Variants in DIP2C observed in about 807,000 individuals in gnomAD.
The protein encoded by DIP2C is disco-interacting protein 2 homolog C.
A neutral mutation model predicts 192.4 loss-of-function variants in DIP2C; 33 were observed. The ratio of observed to expected loss-of-function variants is 0.17; its 90% CI spans 0.13 to 0.23. The LOEUF (loss-of-function observed/expected upper bound fraction) is 0.23, where lower values mean the gene tolerates loss of function less well. Ranked by LOEUF, DIP2C falls within the 10% of genes least tolerant of loss-of-function variation. The probability of loss-of-function intolerance (pLI) is 1.00; values close to 1 mark genes in which losing one functional copy is unlikely to be tolerated. For missense variants in DIP2C, 1,537 were observed against 2,110.1 expected (o/e 0.73, Z 5.32); for synonymous variants, 979 against 864.1 (o/e 1.13, Z -2.33).
chr10:290,043 A>C (rs914323759), intron 32 of DIP2C, among the ~76,000 whole-genome samples: 1 of 152,226 alleles, frequency 6.6e-6, no homozygotes, highest in Non-Finnish European at 1.5e-5. Context: ...TCTGTGGCGG[A>C]AACAGGGAAG....
At chr10:466,088 C>T (rs948788324) in intron 3 of DIP2C, among the ~76,000 whole-genome samples, 17 of 147,728 alleles carry the variant, frequency 1.2e-4, no homozygotes, top group African/African-American at 3.4e-4. Flanking sequence ...CAAGTCAATC[C>T]TAAGCCAAAA....
At chr10:339,494 T>C (rs970949556) in intron 29 of DIP2C, among the ~76,000 whole-genome samples, 1 of 152,180 alleles carries the variant, frequency 6.6e-6, no homozygotes, top group Admixed American at 6.5e-5. Context: ...GCAACAAACA[T>C]CTTCTCTCTG....
At chr10:662,869 C>G (rs1001449498) in intron 1 of DIP2C, 1 of 717,572 alleles carries the variant, frequency 1.4e-6, no homozygotes. Flanking sequence ...GAACCACACT[C>G]AGCAGCAGCC....
chr10:409,542 C>G (rs1212178919), intron 8 of DIP2C, among the ~76,000 whole-genome samples: 12 of 152,212 alleles, frequency 7.9e-5, no homozygotes, highest in Admixed American at 7.2e-4. Flanking sequence ...CCTCTTAGTG[C>G]ATGAAGTGCC....
intron 1 of DIP2C, among the ~76,000 whole-genome samples, chr10:580,051 T>C (rs920459045): frequency 1.3e-5 from 2 of 152,138 alleles, no homozygotes; most frequent in Non-Finnish European, 2.9e-5. Context: ...TGTACACAGG[T>C]ATACTATAAC....
intron 1 of DIP2C, among the ~76,000 whole-genome samples, chr10:504,570 C>T (rs1456180513): frequency 1.3e-5 from 2 of 151,904 alleles, no homozygotes; most frequent in Non-Finnish European, 2.9e-5. Context: ...TCTGACCATG[C>T]AGAGAAGCAC....
At chr10:519,038 C>G (rs2130807835) in intron 1 of DIP2C, among the ~76,000 whole-genome samples, 1 of 152,362 alleles carries the variant, frequency 6.6e-6, no homozygotes, top group East Asian at 1.9e-4. Flanking sequence ...ACACCCATTT[C>G]CCCTTCTGCT....
At chr10:511,187 GC>G (rs1353839043) in intron 1 of DIP2C, among the ~76,000 whole-genome samples, 1 of 152,224 alleles carries the variant, frequency 6.6e-6, no homozygotes, top group African/African-American at 2.4e-5. Context: ...TGCTTGGCCA[GC>G]CAGCAGGGGG....
At chr10:586,798 G>A (rs916494407) in intron 1 of DIP2C, among the ~76,000 whole-genome samples, 4 of 152,236 alleles carry the variant, frequency 2.6e-5, no homozygotes, top group African/African-American at 2.4e-5. Context: ...ATCCACTCAT[G>A]GTAAGCCTTG....
intron 1 of DIP2C, among the ~76,000 whole-genome samples, chr10:576,814 T>C (rs1850191275): frequency 6.6e-6 from 1 of 152,034 alleles, no homozygotes; most frequent in African/African-American, 2.4e-5. Context: ...AGCTGAAGCA[T>C]AAGAATCTCT....
chr10:555,533 C>T (rs887240291), intron 1 of DIP2C, among the ~76,000 whole-genome samples: 1 of 152,150 alleles, frequency 6.6e-6, no homozygotes, highest in African/African-American at 2.4e-5. Flanking sequence ...GACTGGCCCA[C>T]CCTGGGGGAG....
At chr10:433,610 G>A in intron 4 of DIP2C, among the ~76,000 whole-genome samples, 1 of 152,190 alleles carries the variant, frequency 6.6e-6, no homozygotes, top group East Asian at 1.9e-4. Context: ...GAATCTGGGA[G>A]GCGGAGGTTG....
chr10:427,121 A>T (rs867634066), intron 4 of DIP2C, among the ~76,000 whole-genome samples: 3 of 152,258 alleles, frequency 2.0e-5, no homozygotes, highest in Admixed American at 6.5e-5. Flanking sequence ...TGGAGAAGTC[A>T]GAAGTGTAAA....
intron 1 of DIP2C, among the ~76,000 whole-genome samples, chr10:600,174 A>C (rs1171417715): frequency 8.5e-5 from 13 of 152,128 alleles, no homozygotes; most frequent in Non-Finnish European, 1.5e-5. Context: ...AATAAGAGGG[A>C]AGACATTTGG....
intron 1 of DIP2C, among the ~76,000 whole-genome samples, chr10:491,320 T>A (rs1229225557): frequency 6.6e-6 from 1 of 152,212 alleles, no homozygotes; most frequent in Non-Finnish European, 1.5e-5. Flanking sequence ...AATGCTGGAA[T>A]TAATAGTTTA....
intron 4 of DIP2C, among the ~76,000 whole-genome samples, chr10:431,812 T>C (rs1966858694): frequency 6.6e-6 from 1 of 152,254 alleles, no homozygotes. Flanking sequence ...TTGTTTTTCC[T>C]GATCCCCTTT....
intron 31 of DIP2C, among the ~76,000 whole-genome samples, chr10:310,754 A>C (rs1956533882): frequency 6.6e-6 from 1 of 152,196 alleles, no homozygotes; most frequent in African/African-American, 2.4e-5. Context: ...AAATTGCTTG[A>C]AAAATTACAC....
intron 1 of DIP2C, among the ~76,000 whole-genome samples, chr10:589,726 A>G (rs1476824038): frequency 6.6e-6 from 1 of 152,164 alleles, no homozygotes; most frequent in African/African-American, 2.4e-5. Flanking sequence ...ACCACACTAG[A>G]AATACTCTAA....
intron 32 of DIP2C, among the ~76,000 whole-genome samples, chr10:293,242 A>G (rs2132216200): frequency 6.6e-6 from 1 of 152,246 alleles, no homozygotes. Flanking sequence ...AATCTCAAAA[A>G]CCAGCGTGAC....
Sources: allele counts gnomAD v4.1 joint callset (sites outside exome capture counted in the v4.1 genomes callset), GRCh38; gene constraint gnomAD v4.1.1; transcripts MANE v1.5; gene names NCBI Gene and HGNC (gene_info 2026-07-23, HGNC 2026-07-21).